TRPS1: variants seen among roughly 807,000 people sequenced by gnomAD.
The protein encoded by TRPS1 is zinc finger transcription factor Trps1.
Under a neutral mutation model 101.2 loss-of-function variants are expected in TRPS1, and 6 were observed. The ratio of observed to expected loss-of-function variants is 0.06; its 90% confidence interval spans 0.03 to 0.12. The LOEUF (loss-of-function observed/expected upper bound fraction) is 0.12, where lower values mean the gene tolerates loss of function less well. Ranked by LOEUF, TRPS1 falls within the 10% of genes least tolerant of loss-of-function variation. The probability of loss-of-function intolerance (pLI) is 1.00; values close to 1 mark genes in which losing one functional copy is unlikely to be tolerated. For missense variants in TRPS1, 1,363 were observed against 1,567.0 expected (o/e 0.87, Z 2.20); for synonymous variants, 578 against 589.8 (o/e 0.98, Z 0.29).
chr8:115,575,433 CTG>C (rs1817296289), intron 5 of TRPS1, among the ~76,000 whole-genome samples: 1 of 152,040 alleles, frequency 6.6e-6, no homozygotes, highest in Admixed American at 6.6e-5. Flanking sequence ...GTGCATGTGC[CTG>C]TGTGTCTGTG....
At chr8:115,601,714 C>G (rs1342201420) in intron 4 of TRPS1, among the ~76,000 whole-genome samples, 1 of 152,140 alleles carries the variant, frequency 6.6e-6, no homozygotes, top group Non-Finnish European at 1.5e-5. Flanking sequence ...GCATGGAAGC[C>G]TAGGTCCTCA....
intron 5 of TRPS1, among the ~76,000 whole-genome samples, chr8:115,456,737 C>G (rs115392572): frequency 0.014 from 2,132 of 152,022 alleles, 49 homozygotes; most frequent in African/African-American, 0.047. Context: ...TTTACTCCCC[C>G]CCAAAAACAT....
intron 5 of TRPS1, among the ~76,000 whole-genome samples, chr8:115,496,888 T>C (rs1177975615): frequency 6.6e-6 from 1 of 152,228 alleles, no homozygotes; most frequent in Admixed American, 6.5e-5. Flanking sequence ...TTTAAAACTA[T>C]TTTTACTCTT....
chr8:115,535,133 A>ATATCGCATATG (rs1816254404), intron 5 of TRPS1, among the ~76,000 whole-genome samples: 1 of 144,292 alleles, frequency 6.9e-6, no homozygotes, highest in Non-Finnish European at 1.5e-5. Flanking sequence ...TATAGCATAT[A>ATATCGCATATG]TATAGCATAT....
At chr8:115,567,621 GATAAC>G (rs1817099597) in intron 5 of TRPS1, among the ~76,000 whole-genome samples, 1 of 152,080 alleles carries the variant, frequency 6.6e-6, no homozygotes, top group African/African-American at 2.4e-5. Context: ...TAAATAGCTT[GATAAC>G]ATAAAATATT....
chr8:115,523,106 AG>A (rs1263263227), intron 5 of TRPS1, among the ~76,000 whole-genome samples: 6 of 152,022 alleles, frequency 3.9e-5, no homozygotes, highest in African/African-American at 1.4e-4. Flanking sequence ...AGTTTAGGGG[AG>A]AAAAAAAAAT....
At chr8:115,627,503 A>C (rs940232930) in intron 1 of TRPS1, among the ~76,000 whole-genome samples, 1 of 151,804 alleles carries the variant, frequency 6.6e-6, no homozygotes, top group Non-Finnish European at 1.5e-5. Flanking sequence ...AAATTCAAAA[A>C]GAGTAGCTCA....
At chr8:115,415,764 T>G (rs1427167612) in intron 6 of TRPS1, among the ~76,000 whole-genome samples, 1 of 152,202 alleles carries the variant, frequency 6.6e-6, no homozygotes, top group Non-Finnish European at 1.5e-5. Context: ...TGCTGGAACC[T>G]GATCTCAGAT....
chr8:115,494,257 C>T (rs1292584177), intron 5 of TRPS1, among the ~76,000 whole-genome samples: 1 of 152,208 alleles, frequency 6.6e-6, no homozygotes, highest in Non-Finnish European at 1.5e-5. Flanking sequence ...TACACACATT[C>T]CAGGGCAGCG....
At chr8:115,623,034 G>GT (rs1818431454) in intron 2 of TRPS1, among the ~76,000 whole-genome samples, 1 of 152,146 alleles carries the variant, frequency 6.6e-6, no homozygotes, top group African/African-American at 2.4e-5. Context: ...ATGGGTCATA[G>GT]TTTAAAGACT....
intron 5 of TRPS1, among the ~76,000 whole-genome samples, chr8:115,575,495 G>A (rs938982810): frequency 1.3e-5 from 2 of 152,132 alleles, no homozygotes; most frequent in Admixed American, 6.5e-5. Context: ...TCTTCTTTTT[G>A]CTTGTTTATA....
chr8:115,418,559 T>A lies in TRPS1; in HGVS notation c.2701-107A>T. ...CTTTAAACTAGCAACAATGACAGTA[T>A]AAAACCACACTGCCCATAATGAGGT... On this transcript the variant is annotated intron_variant, in intron 5 of 6. Transcript: ENST00000395715. This position sits in a 1 kb window ranked among gnomAD's most constrained non-coding sequence, Gnocchi z 4.3. 3 of 1,482,720 alleles carry A rather than the reference T, an allele frequency of 2.0e-6. No homozygotes were observed. The highest frequency in any genetic ancestry group is 2.8e-6 in the Non-Finnish European group (3 of 1,065,486). The allele number at this position is 1,482,720 out of a possible 1,614,324, so 91.8% of individuals were successfully genotyped here.
rs376179936 is a variant in TRPS1 at position 115,469,752 on chromosome 8, C to T, written c.2701-51300G>A. On this transcript the variant is annotated intron_variant, in intron 5 of 6. Coordinates refer to ENST00000395715, the MANE Select transcript of TRPS1 (RefSeq NM_014112.5). ...CCATGTTGGCCAGGCTGGTCTTGAA[C>T]TCCTGAACTCAGGTGATCTGCCCAC... Among the ~76,000 whole-genome samples the T allele has an allele frequency of 5.3e-4, 80 of 152,248 alleles. 2 individuals carry two copies. The South Asian group carries it at 0.015, about 28-fold the overall frequency.
chr8:115,586,968 CA>C, intron 5 of TRPS1, 32 bp downstream of exon 5: 1 of 1,613,222 alleles, frequency 6.2e-7, no homozygotes. Context: ...CCCTTCAAAA[CA>C]AATGAATTAT....
intron 5 of TRPS1, among the ~76,000 whole-genome samples, chr8:115,524,394 C>T (rs944530507): frequency 1.4e-5 from 2 of 147,742 alleles, no homozygotes; most frequent in Admixed American, 6.9e-5. Context: ...GATCTCAGCT[C>T]ACCGCAACCT....
At chr8:115,430,819 C>G (rs1031068189) in intron 5 of TRPS1, among the ~76,000 whole-genome samples, 1 of 151,704 alleles carries the variant, frequency 6.6e-6, no homozygotes, top group African/African-American at 2.4e-5. Context: ...TTCATTAAAG[C>G]AATATCATAT....
At chr8:115,544,088 A>G (rs1586385983) in intron 5 of TRPS1, among the ~76,000 whole-genome samples, 1 of 151,562 alleles carries the variant, frequency 6.6e-6, no homozygotes, top group East Asian at 1.9e-4. Context: ...GGCTAAAAAG[A>G]GAATAATTTC....
chr8:115,498,258 A>G (rs1330866236), intron 5 of TRPS1, among the ~76,000 whole-genome samples: 1 of 151,632 alleles, frequency 6.6e-6, no homozygotes, highest in African/African-American at 2.4e-5. Flanking sequence ...GTGCACCTGT[A>G]GTTCCAGCTA....
chr8:115,579,090 G>A (rs1817385623), intron 5 of TRPS1, among the ~76,000 whole-genome samples: 1 of 152,002 alleles, frequency 6.6e-6, no homozygotes, highest in South Asian at 2.1e-4. Context: ...AAATGATGGG[G>A]ATAATAATAG....
Sources: allele counts gnomAD v4.1 joint callset (sites outside exome capture counted in the v4.1 genomes callset), GRCh38; gene constraint gnomAD v4.1.1; non-coding constraint Gnocchi (gnomAD v3.1); transcripts MANE v1.5; gene names NCBI Gene and HGNC (gene_info 2026-07-23, HGNC 2026-07-21).